Variants in UNC5D observed in about 807,000 individuals in gnomAD.
UNC5D encodes unc-5 netrin receptor D.
A neutral mutation model predicts 105.4 loss-of-function variants in UNC5D; 39 were observed. The observed-to-expected ratio is 0.37, with a 90% CI of 0.29 to 0.48. The LOEUF is 0.48. Ranked by LOEUF, UNC5D falls within the 20% of genes least tolerant of loss-of-function variation. UNC5D has a pLI of 0.98. For synonymous variants in UNC5D, 452 were observed against 450.4 expected, an observed-to-expected ratio of 1.00 and a Z score of -0.04; for missense variants, 991 against 1,202.4, an observed-to-expected ratio of 0.82 and a Z score of 2.60.
intron 1 of UNC5D, among the ~76,000 whole-genome samples, chr8:35,400,155 T>G (rs2128949084): frequency 6.6e-6 from 1 of 152,270 alleles, no homozygotes; most frequent in African/African-American, 2.4e-5. Flanking sequence ...TGGAAGCATC[T>G]TATCCCCCAA....
chr8:35,525,336 G>A lies in UNC5D; in HGVS notation c.104-23956G>A, dbSNP rs528657701. The A allele has an allele frequency of 3.1e-6, 5 of 1,612,156 alleles. No homozygotes were observed. In the East Asian group the frequency reaches 1.1e-4, roughly 36 times the overall value. ...ACAGTTTTCCACTTGATATGGGGGTGTAATAACAACTTCTTCCATGACTAC... is the reference window on the plus strand; with the variant it reads ...ACAGTTTTCCACTTGATATGGGGGTATAATAACAACTTCTTCCATGACTAC... On this transcript the variant is annotated intron_variant, in intron 1 of 16. Transcript: ENST00000404895.
At chr8:35,608,451 G>A (rs1820456673) in intron 4 of UNC5D, among the ~76,000 whole-genome samples, 1 of 152,228 alleles carries the variant, frequency 6.6e-6, no homozygotes, top group African/African-American at 2.4e-5. Context: ...TGTATGGGGT[G>A]CAAGTATAAT....
chr8:35,682,052 C>T (rs1825703920), intron 4 of UNC5D, among the ~76,000 whole-genome samples: 1 of 152,278 alleles, frequency 6.6e-6, no homozygotes, highest in Admixed American at 6.5e-5. Context: ...GTAACCTCTG[C>T]CTCCCTGGTT....
At chr8:35,313,994 A>G (rs1424099725) in intron 1 of UNC5D, among the ~76,000 whole-genome samples, 2 of 152,198 alleles carry the variant, frequency 1.3e-5, no homozygotes, top group Non-Finnish European at 2.9e-5. Context: ...TGTCAGGAGA[A>G]TGGAAATGTT....
intron 11 of UNC5D, among the ~76,000 whole-genome samples, chr8:35,737,275 TGTGTGTGTGTGTGTGTGTGTGTGTG>T (rs1407794731): frequency 1.3e-5 from 2 of 148,558 alleles, no homozygotes; most frequent in African/African-American, 5.1e-5. Flanking sequence ...TGTGTGTGTG[TGTGTGTGTGTGTGTGTGTGTGTGTG>T]TTAATGTGTG....
chr8:35,440,263 G>T (rs1355019484), intron 1 of UNC5D, among the ~76,000 whole-genome samples: 1 of 151,812 alleles, frequency 6.6e-6, no homozygotes, highest in Non-Finnish European at 1.5e-5. Flanking sequence ...GCATGTTGAT[G>T]GTCTCATTTT....
chr8:35,587,974 A>ATATG (rs1818900987), intron 3 of UNC5D, among the ~76,000 whole-genome samples: 1 of 136,100 alleles, frequency 7.3e-6, no homozygotes, highest in South Asian at 2.4e-4. Context: ...TAATATATAT[A>ATATG]TATATATATA....
At chr8:35,641,686 A>G (rs1822752872) in intron 4 of UNC5D, among the ~76,000 whole-genome samples, 1 of 152,170 alleles carries the variant, frequency 6.6e-6, no homozygotes, top group Non-Finnish European at 1.5e-5. Context: ...ACTGAGCCTC[A>G]AATTCTTGGG....
At chr8:35,765,135 G>A (rs1801708352) in intron 14 of UNC5D, among the ~76,000 whole-genome samples, 1 of 152,132 alleles carries the variant, frequency 6.6e-6, no homozygotes. Context: ...GAAGCCTTTG[G>A]GTCTGCCTGC....
chr8:35,447,047 A>C (rs2128988128), intron 1 of UNC5D, among the ~76,000 whole-genome samples: 1 of 152,152 alleles, frequency 6.6e-6, no homozygotes, highest in Admixed American at 6.6e-5. Context: ...CTCAGAGCTA[A>C]GAGTGAGCAT....
At chr8:35,319,413 C>T (rs1809551346) in intron 1 of UNC5D, among the ~76,000 whole-genome samples, 1 of 152,148 alleles carries the variant, frequency 6.6e-6, no homozygotes, top group Admixed American at 6.6e-5. Flanking sequence ...GTGCAGAAGG[C>T]TGTCTGAATC....
At chr8:35,579,825 A>T (rs1398982082) in intron 3 of UNC5D, among the ~76,000 whole-genome samples, 1 of 152,212 alleles carries the variant, frequency 6.6e-6, no homozygotes, top group Admixed American at 6.5e-5. Flanking sequence ...CAGTGATGCT[A>T]TCATACTTTC....
intron 1 of UNC5D, among the ~76,000 whole-genome samples, chr8:35,499,034 T>G (rs1242278748): frequency 6.6e-6 from 1 of 152,188 alleles, no homozygotes; most frequent in Non-Finnish European, 1.5e-5. Context: ...AATCAGCACT[T>G]GGCTCCTTCA....
chr8:35,537,192 C>T (rs528328662), intron 1 of UNC5D, among the ~76,000 whole-genome samples: 201 of 152,018 alleles, frequency 1.3e-3, no homozygotes, highest in African/African-American at 4.6e-3. Flanking sequence ...AGAAGGTAAA[C>T]AAAAATAGTA....
At chr8:35,786,637 A>G (rs117096022) in intron 16 of UNC5D, among the ~76,000 whole-genome samples, 6 of 152,152 alleles carry the variant, frequency 3.9e-5, no homozygotes, top group Admixed American at 6.6e-5. Context: ...TGAAATGTCA[A>G]AGATCCCCAA....
At chr8:35,413,292 T>TGTG (rs56157732) in intron 1 of UNC5D, among the ~76,000 whole-genome samples, 17 of 128,032 alleles carry the variant, frequency 1.3e-4, no homozygotes, top group South Asian at 1.1e-3. Context: ...TGTGTGTGTG[T>TGTG]TGTGTGTGTG....
At chr8:35,521,840 A>G (rs1209918455) in intron 1 of UNC5D, among the ~76,000 whole-genome samples, 1 of 152,252 alleles carries the variant, frequency 6.6e-6, no homozygotes, top group African/African-American at 2.4e-5. Context: ...TATTTTAAGT[A>G]GCTGCTCTAA....
At chr8:35,592,277 T>A (rs150262200) in intron 3 of UNC5D, among the ~76,000 whole-genome samples, 2 of 152,328 alleles carry the variant, frequency 1.3e-5, no homozygotes, top group African/African-American at 4.8e-5. Context: ...GAACTAAAAT[T>A]AGAAATTATC....
chr8:35,299,198 C>T (rs763946812), intron 1 of UNC5D, among the ~76,000 whole-genome samples: 6 of 152,166 alleles, frequency 3.9e-5, no homozygotes, highest in South Asian at 2.1e-4. Context: ...ATAAGGTTTC[C>T]GAAATATGTT....
Sources: allele counts gnomAD v4.1 joint callset (sites outside exome capture counted in the v4.1 genomes callset), GRCh38; gene constraint gnomAD v4.1.1; transcripts MANE v1.5; gene names NCBI Gene and HGNC (gene_info 2026-07-23, HGNC 2026-07-21).